NEMF: variants seen among roughly 807,000 people sequenced by gnomAD.
NEMF encodes the protein ribosome quality control complex subunit NEMF.
Under a neutral mutation model 162.2 loss-of-function variants are expected in NEMF, and 89 were observed. That is an observed-to-expected ratio of 0.55 (90% CI 0.46 to 0.65). The LOEUF (loss-of-function observed/expected upper bound fraction) is 0.65. NEMF is among the 30% of genes least tolerant of loss of function. NEMF has a pLI of 0.00. For missense variants in NEMF, 1,133 were observed against 1,261.9 expected (o/e 0.90, Z 1.55); for synonymous variants, 421 against 404.5 (o/e 1.04, Z -0.49).
At chr14:49,823,571 T>C (rs572516718) in intron 16 of NEMF, among the ~76,000 whole-genome samples, 1 of 152,110 alleles carries the variant, frequency 6.6e-6, no homozygotes, top group Non-Finnish European at 1.5e-5. Context: ...AACGATAGAC[T>C]TGAAAATAGA....
intron 11 of NEMF, 78 bp downstream of exon 11, chr14:49,831,221 G>A (rs1435790968): frequency 2.6e-6 from 2 of 781,556 alleles, no homozygotes; most frequent in Non-Finnish European, 4.4e-6. Flanking sequence ...TTTCTGAAAG[G>A]CTACCCTTTC....
chr14:49,794,602 G>C (rs375548346), intron 26 of NEMF, among the ~76,000 whole-genome samples: 6 of 125,340 alleles, frequency 4.8e-5, no homozygotes, highest in African/African-American at 1.6e-4. Context: ...CTGGGCAACA[G>C]AGCAAGACCC....
At chr14:49,823,258 A>T (rs188011555) in intron 16 of NEMF, among the ~76,000 whole-genome samples, 6 of 151,992 alleles carry the variant, frequency 3.9e-5, no homozygotes, top group South Asian at 2.1e-4. Flanking sequence ...TATATAATTT[A>T]AAAAAATTTA....
In NEMF at chr14:49,796,381, G is replaced by A. The variant is rs140999985; in HGVS notation, c.2466-437C>T. On this transcript the variant is annotated intron_variant, in intron 25 of 32. Coordinates refer to ENST00000298310, the MANE Select transcript of NEMF (RefSeq NM_004713.6). ...AGAAGGAAGGGTAAATTTTATTACT[G>A]TGGTATTCTTCTTTCTGTTCCCAAT... is the stretch of plus-strand genomic sequence containing the variant. 1.6e-5 allele frequency: 7 copies of A among 437,256 alleles called. No individual in the cohort carries two copies. In the East Asian group the frequency reaches 5.0e-4, roughly 31 times the overall value. 27.1% of individuals were successfully genotyped at this position (437,256 alleles called of 1,614,324 possible).
At chr14:49,801,048 T>G (rs1890928537) in intron 22 of NEMF, 1 of 234,236 alleles carries the variant, frequency 4.3e-6, no homozygotes, top group African/African-American at 2.3e-5. Flanking sequence ...ACATAAAAAC[T>G]TAAATACGTA....
intron 12 of NEMF, 36 bp downstream of exon 12, chr14:49,829,313 T>G: frequency 1.2e-6 from 2 of 1,613,540 alleles, no homozygotes; most frequent in Non-Finnish European, 1.7e-6. Context: ...AAAGTTAACA[T>G]TTTTGAAAAA....
At chr14:49,847,402 C>T (rs1444215416) in intron 3 of NEMF, among the ~76,000 whole-genome samples, 2 of 151,716 alleles carry the variant, frequency 1.3e-5, no homozygotes, top group Non-Finnish European at 1.5e-5. Context: ...CGGGGTTTCT[C>T]CACGTTGCCC....
chr14:49,787,478 G>T (rs539061391), intron 28 of NEMF, among the ~76,000 whole-genome samples: 1 of 152,140 alleles, frequency 6.6e-6, no homozygotes, highest in African/African-American at 2.4e-5. Context: ...TTGAGCCCAG[G>T]AGTTCGACAC....
chr14:49,843,035 G>C (rs1454055793), intron 4 of NEMF, among the ~76,000 whole-genome samples: 1 of 151,802 alleles, frequency 6.6e-6, no homozygotes, highest in African/African-American at 2.4e-5. Flanking sequence ...AAAAAAGAAA[G>C]AGTAAAAACT....
intron 26 of NEMF, among the ~76,000 whole-genome samples, chr14:49,792,944 G>A (rs1383292753): frequency 1.3e-5 from 2 of 152,030 alleles, no homozygotes; most frequent in East Asian, 3.9e-4. Context: ...CCACACCACT[G>A]CAGTCCAGCC....
chr14:49,816,295 TCTTTTGTCCTTTGCCTTGTGATCTTTG>T (rs1390453982), intron 16 of NEMF, among the ~76,000 whole-genome samples: 4 of 152,338 alleles, frequency 2.6e-5, no homozygotes, highest in Non-Finnish European at 4.4e-5. Flanking sequence ...ATCCTGTCAA[TCTTTTGTCCTTTGCCTTGTGATCTTTG>T]CTTTTGCCCT....
intron 26 of NEMF, among the ~76,000 whole-genome samples, chr14:49,790,514 T>C (rs1355123054): frequency 6.6e-6 from 1 of 152,020 alleles, no homozygotes; most frequent in African/African-American, 2.4e-5. Flanking sequence ...AAGAAAACAA[T>C]ACCAAGTGTT....
At chr14:49,840,187 C>T (rs895998566) in intron 5 of NEMF, among the ~76,000 whole-genome samples, 1 of 152,114 alleles carries the variant, frequency 6.6e-6, no homozygotes, top group East Asian at 1.9e-4. Flanking sequence ...GACAACCGAG[C>T]ACAGTGGCTC....
chr14:49,784,455 C>T lies in NEMF; in HGVS notation c.*181G>A. On this transcript the variant is annotated 3_prime_UTR_variant, in exon 33 of 33. Coordinates refer to ENST00000298310, the MANE Select transcript of NEMF (RefSeq NM_004713.6). ...ATACTTTTGGAAATCCTATCATAGA[C>T]AGTGTTTCCTCTATATAAAACTGGG... is the stretch of plus-strand genomic sequence containing the variant. 1.9e-6 allele frequency: 1 copy of T among 527,514 alleles called. No homozygotes were observed. Among genetic ancestry groups the T allele is most frequent in the Non-Finnish European group, 3.4e-6 (1 of 298,124 alleles). The allele number at this position is 527,514 out of a possible 1,614,324, so 32.7% of individuals were successfully genotyped here. A position where few individuals can be genotyped will look rare whatever the true frequency, so the allele number is the denominator to read the frequency against.
chr14:49,846,285 G>C lies in NEMF; in HGVS notation c.232-20C>G, dbSNP rs1200178882. The stretch of plus-strand genomic sequence containing the variant: ...TCGGCACTAGCAAGAGAAAGAAAAA[G>C]GCATTCATTTAGTAAAAGTGAATTC... On this transcript the variant is annotated intron_variant, in intron 3 of 32. Coordinates refer to ENST00000298310, the MANE Select transcript of NEMF (RefSeq NM_004713.6). 1 of 1,605,004 alleles carries C rather than the reference G, an allele frequency of 6.2e-7. No individual in the cohort carries two copies. The highest frequency in any genetic ancestry group is 1.1e-5 in the South Asian group (1 of 89,120).
chr14:49,803,332 A>G, intron 19 of NEMF, 38 bp from the exon 20 acceptor site: 1 of 1,399,826 alleles, frequency 7.1e-7, no homozygotes, highest in Admixed American at 1.8e-5. Context: ...CTTATTTAAA[A>G]AAATACTCTA....
intron 16 of NEMF, among the ~76,000 whole-genome samples, chr14:49,819,025 G>C (rs1156280640): frequency 6.6e-6 from 1 of 152,054 alleles, no homozygotes; most frequent in Admixed American, 6.6e-5. Flanking sequence ...TAATATGAAA[G>C]ATGGAGACAA....
intron 5 of NEMF, chr14:49,839,747 T>C (rs1257727723): frequency 2.0e-5 from 3 of 152,206 alleles, no homozygotes; most frequent in African/African-American, 7.2e-5. Flanking sequence ...GCAGCACATA[T>C]ACTAAAATTA....
intron 5 of NEMF, chr14:49,839,272 G>T (rs1378018558): frequency 6.6e-6 from 1 of 151,674 alleles, no homozygotes; most frequent in Non-Finnish European, 1.5e-5. Context: ...AGTAGAGTCG[G>T]GGTTTCACCA....
Sources: gnomAD v4.1 joint callset for allele counts (sites outside exome capture counted in the v4.1 genomes callset) on GRCh38, gnomAD v4.1.1 for gene constraint, MANE v1.5 for transcripts, NCBI Gene and HGNC (gene_info 2026-07-23, HGNC 2026-07-21) for gene names.